The following SPRING1 variants were observed in gnomAD, a reference collection of about 807,000 sequenced individuals.
SPRING1 encodes the protein SREBF pathway regulator in golgi 1.
In SPRING1, 14 loss-of-function variants were observed where a neutral mutation model predicts 24.7. The observed-to-expected ratio is 0.57, with a 90% confidence interval of 0.37 to 0.88. The LOEUF is 0.88. SPRING1 is among the 40% of genes least tolerant of loss of function. SPRING1 has a pLI of 0.00. For synonymous variants in SPRING1, 93 were observed against 106.1 expected (o/e 0.88, Z 0.76); for missense variants, 255 against 268.4 (o/e 0.95, Z 0.35).
At position 116,716,311 on chromosome 12, in the gene SPRING1, C is replaced by T. The variant is rs1457185550; in HGVS notation, c.*1499G>A. 6.6e-6 allele frequency: 1 copy of T among 152,120 alleles called. No homozygotes were observed. The highest frequency in any genetic ancestry group is 2.4e-5 in the African/African-American group (1 of 41,392). The allele number at this position is 152,120 out of a possible 1,614,324, so 9.4% of individuals were successfully genotyped here. A position where few individuals can be genotyped will look rare whatever the true frequency, so the allele number is the denominator to read the frequency against. On this transcript the variant is annotated 3_prime_UTR_variant, in exon 5 of 5. Transcript: ENST00000261318. Reference sequence around the variant, plus strand: ...TAAGGGAAATCACCACTACATATTGCAGGAATGTATTAGAAGGCAAATATG... The same window carrying T: ...TAAGGGAAATCACCACTACATATTGTAGGAATGTATTAGAAGGCAAATATG...
intron 2 of SPRING1, among the ~76,000 whole-genome samples, chr12:116,722,073 T>C (rs907120505): frequency 1.3e-5 from 2 of 152,196 alleles, no homozygotes; most frequent in African/African-American, 2.4e-5. Context: ...TTTGAAAAGT[T>C]TGTAAATGCA....
chr12:116,726,744 AGAT>A (rs1400265203), intron 1 of SPRING1, among the ~76,000 whole-genome samples: 9 of 152,370 alleles, frequency 5.9e-5, no homozygotes, highest in Admixed American at 4.6e-4. Context: ...ATAGCCATAA[AGAT>A]TATTAAGAGC....
At chr12:116,725,865 G>A (rs1223018761) in intron 1 of SPRING1, among the ~76,000 whole-genome samples, 6 of 149,824 alleles carry the variant, frequency 4.0e-5, no homozygotes, top group East Asian at 3.9e-4. Flanking sequence ...CAGCCTGGGC[G>A]ACAAAGTGAG....
chr12:116,735,286 G>A (rs1238626408), intron 1 of SPRING1, among the ~76,000 whole-genome samples: 2 of 152,170 alleles, frequency 1.3e-5, no homozygotes, highest in Admixed American at 1.3e-4. Flanking sequence ...TAGGAGGGTG[G>A]TTGCCGGGGG....
rs117059383 is a variant in SPRING1 at position 116,736,449 on chromosome 12, C to T, written c.111+1341G>A. Among the ~76,000 whole-genome samples, 1,462 of 152,340 alleles carry T rather than the reference C, an allele frequency of 9.6e-3. 12 individuals carry two copies. Among genetic ancestry groups the T allele is most frequent in the Middle Eastern group, 0.017 (5 of 294 alleles). On this transcript the variant is annotated intron_variant, in intron 1 of 4. Transcript: ENST00000261318. ...GCCAATAAAAGGGACTTACAACACT[C>T]AGCCTCTCTGTTTGCCTAAGGTGGC...
intron 1 of SPRING1, among the ~76,000 whole-genome samples, chr12:116,733,618 C>T (rs1871098917): frequency 6.6e-6 from 1 of 151,998 alleles, no homozygotes; most frequent in African/African-American, 2.4e-5. Flanking sequence ...GTGTTTTCAG[C>T]TAAGTGTTAA....
At position 116,728,226 on chromosome 12, in the gene SPRING1, G is replaced by C. The variant is rs1870796744; in HGVS notation, c.112-5003C>G. Reference sequence around the variant, plus strand: ...CCCTGCCACTAGATCATGTCATCCTGTTTTGTTTTCTTCATAACATACATC... The same window carrying C: ...CCCTGCCACTAGATCATGTCATCCTCTTTTGTTTTCTTCATAACATACATC... On this transcript the variant is annotated intron_variant, in intron 1 of 4. Coordinates refer to ENST00000261318, the MANE Select transcript of SPRING1 (RefSeq NM_024738.4). The surrounding 1 kb of genome is among the most constrained non-coding windows in gnomAD (Gnocchi z 4.2). Among the ~76,000 whole-genome samples, 1 of 152,074 alleles carries C rather than the reference G, an allele frequency of 6.6e-6. No individual in the cohort carries two copies. The highest frequency in any genetic ancestry group is 2.4e-5 in the African/African-American group (1 of 41,384).
chr12:116,737,975 A>C lies in SPRING1; in HGVS notation c.-75T>G, dbSNP rs1871369600. 8.1e-7 allele frequency: 1 copy of C among 1,227,814 alleles called. No individual in the cohort carries two copies. Among genetic ancestry groups the C allele is most frequent in the African/African-American group, 1.6e-5 (1 of 62,612 alleles). 76.1% of individuals were successfully genotyped at this position (1,227,814 alleles called of 1,614,324 possible). The stretch of plus-strand genomic sequence containing the variant: ...CCGGGTCCCGGGCGGCATGGCCCCT[A>C]CGCGCCCGGCAGCCCCATCCCTCCA... On this transcript the variant is annotated 5_prime_UTR_variant, in exon 1 of 5. An upstream open reading frame in the 5' UTR loses its in-frame stop. Transcript: ENST00000261318.
intron 1 of SPRING1, among the ~76,000 whole-genome samples, chr12:116,736,034 G>A (rs1259723733): frequency 2.7e-4 from 12 of 43,744 alleles, no homozygotes; most frequent in Non-Finnish European, 4.3e-4. Flanking sequence ...GCAAAACTCA[G>A]TCTTTAAAAA....
Position 116,719,767 on chromosome 12 carries a change from G to A in SPRING1, c.530C>T (p.Ser177Phe). The part of the protein sequence containing the change: ...ELCLAKCRTS[S>F]QSVQHENTYR... ...AGAGACATCACAGCTTCTGACCTGA[G>A]ATGAGGTCCTGCATTTGGCCAGGCA... Residue 177 changes from serine to phenylalanine, a missense_variant, in exon 4 of 5, where the codon TCT (serine) becomes TTT (phenylalanine). Ser to Phe is a radical substitution (Grantham distance 155, BLOSUM62 -2). Transcript: ENST00000261318. 6.2e-7 allele frequency: 1 copy of A among 1,613,702 alleles called. No homozygotes were observed. Among genetic ancestry groups the A allele is most frequent in the South Asian group, 1.1e-5 (1 of 91,058 alleles).
chr12:116,718,301 T>C (rs1870256671), intron 4 of SPRING1, among the ~76,000 whole-genome samples: 2 of 152,278 alleles, frequency 1.3e-5, no homozygotes, highest in African/African-American at 4.8e-5. Context: ...ACTAAGGAGA[T>C]GCACTTTAAA....
In SPRING1 at chr12:116,718,842, C is replaced by G. The variant is rs142028327; in HGVS notation, c.534+921G>C. 2.6e-5 allele frequency among the ~76,000 whole-genome samples: 4 copies of G among 152,318 alleles called. No homozygotes were observed. The East Asian group carries it at 7.7e-4, about 29-fold the overall frequency. On this transcript the variant is annotated intron_variant, in intron 4 of 4. Coordinates refer to ENST00000261318, the MANE Select transcript of SPRING1 (RefSeq NM_024738.4). The stretch of plus-strand genomic sequence containing the variant: ...CAAGTGGAAAGCTCTTCAAGCAAAA[C>G]AAGACCATCAGGAATTTCTTAATGT...
intron 1 of SPRING1, among the ~76,000 whole-genome samples, chr12:116,732,473 C>G (rs1276790885): frequency 6.6e-6 from 1 of 152,026 alleles, no homozygotes; most frequent in Non-Finnish European, 1.5e-5. Context: ...TTTGGGAGGC[C>G]GAGGCGGGCA....
intron 1 of SPRING1, among the ~76,000 whole-genome samples, chr12:116,736,070 T>C (rs1338036005): frequency 1.2e-5 from 1 of 80,094 alleles, no homozygotes; most frequent in African/African-American, 4.9e-5. Flanking sequence ...AAAAAAAAGA[T>C]GGGAAATTTT....
chr12:116,723,307 A>G, intron 1 of SPRING1, 84 bp from the exon 2 acceptor site: 1 of 1,500,620 alleles, frequency 6.7e-7, no homozygotes, highest in South Asian at 1.2e-5. Context: ...AACTACAGTA[A>G]GAGGACAGAA....
chr12:116,719,695 T>G (rs1303594898), intron 4 of SPRING1, 68 bp downstream of exon 4: 9 of 1,305,022 alleles, frequency 6.9e-6, no homozygotes, highest in Non-Finnish European at 9.9e-6. Context: ...ATCGACAGTG[T>G]GTATTTTCTA....
chr12:116,733,687 T>C (rs1871102480), intron 1 of SPRING1, among the ~76,000 whole-genome samples: 1 of 152,064 alleles, frequency 6.6e-6, no homozygotes, highest in Admixed American at 6.5e-5. Context: ...AGTAAGCCAA[T>C]GTTAATTTAT....
In SPRING1 at chr12:116,723,012, G is replaced by A. The variant is rs1870504575; in HGVS notation, c.268+55C>T. ...CTATTCAAACAAAAACCCTATGAAT[G>A]GCCCAACCAGCCTACGCTCCTGACC... is the stretch of plus-strand genomic sequence containing the variant. On this transcript the variant is annotated intron_variant, in intron 2 of 4. Transcript: ENST00000261318. 7.5e-6 allele frequency: 12 copies of A among 1,605,194 alleles called. No homozygotes were observed. In the South Asian group the frequency reaches 1.3e-4, roughly 18 times the overall value.
intron 4 of SPRING1, among the ~76,000 whole-genome samples, chr12:116,719,251 G>C (rs2137031238): frequency 6.6e-6 from 1 of 152,274 alleles, no homozygotes; most frequent in South Asian, 2.1e-4. Flanking sequence ...AGCATTTAAT[G>C]ACAGCACGCT....
Sources: allele counts gnomAD v4.1 joint callset (sites outside exome capture counted in the v4.1 genomes callset), GRCh38; gene constraint gnomAD v4.1.1; non-coding constraint Gnocchi (gnomAD v3.1); transcripts MANE v1.5; gene names NCBI Gene and HGNC (gene_info 2026-07-23, HGNC 2026-07-21).